The following FBXO11 variants were observed in gnomAD, a reference collection of about 807,000 sequenced individuals.
The protein encoded by FBXO11 is F-box only protein 11.
FBXO11 carries 13 observed loss-of-function variants against 117.0 expected under a neutral mutation model. The ratio of observed to expected loss-of-function variants is 0.11; its 90% CI spans 0.07 to 0.18. The LOEUF (loss-of-function observed/expected upper bound fraction) is 0.18. FBXO11 is among the 10% of genes least tolerant of loss of function. The probability of loss-of-function intolerance (pLI) is 1.00; values close to 1 mark genes in which losing one functional copy is unlikely to be tolerated. For synonymous variants in FBXO11, 490 were observed against 380.5 expected (o/e 1.29, Z -3.35); for missense variants, 767 against 1,164.4 (o/e 0.66, Z 4.97).
intron 1 of FBXO11, among the ~76,000 whole-genome samples, chr2:47,900,548 GTATATACACGTA>G (rs1404994900): frequency 1.4e-4 from 17 of 122,770 alleles, no homozygotes; most frequent in East Asian, 5.9e-4. Context: ...CGAGAAAAAA[GTATATACACGTA>G]TATATACACA....
In FBXO11 at chr2:47,893,946, T is replaced by C. The variant is rs552567097; in HGVS notation, c.232+11543A>G. On this transcript the variant is annotated intron_variant, in intron 1 of 22. Coordinates refer to ENST00000403359, the MANE Select transcript of FBXO11 (RefSeq NM_001190274.2). ...TCTCCTCCACACTGCTTTTTGCGGA[T>C]AAGAAAGATCAACTGGTAGCATTAA... 1.1e-4 allele frequency among the ~76,000 whole-genome samples: 16 copies of C among 152,314 alleles called. No homozygotes were observed. The East Asian group carries it at 2.9e-3, about 28-fold the overall frequency.
At chr2:47,836,024 AT>A (rs769603586) in intron 4 of FBXO11, 23 bp from the exon 5 acceptor site, 4 of 1,533,298 alleles carry the variant, frequency 2.6e-6, no homozygotes, top group Middle Eastern at 1.9e-4. Context: ...AGGAATTAAA[AT>A]TTTCTTGATA....
intron 14 of FBXO11, among the ~76,000 whole-genome samples, chr2:47,820,057 T>C (rs1013395228): frequency 6.6e-6 from 1 of 152,158 alleles, no homozygotes; most frequent in Non-Finnish European, 1.5e-5. Flanking sequence ...AGACTGCAAA[T>C]GAACTGCTGC....
rs1021071953 is a variant in FBXO11, at chr2:47,839,891, C to A, written c.233-122G>T. ...GCAGATGTAAGTTTTATATGAAATT[C>A]CAACCAACTGGATAGCTATATGAAA... On this transcript the variant is annotated intron_variant, in intron 1 of 22. Transcript: ENST00000403359. The A allele has an allele frequency of 1.6e-5, 12 of 757,936 alleles. No individual in the cohort carries two copies. The African/African-American group carries it at 1.6e-4, about 10-fold the overall frequency. 47.0% of individuals were successfully genotyped at this position (757,936 alleles called of 1,614,324 possible).
chr2:47,814,742 G>T (rs1189926104), intron 16 of FBXO11, among the ~76,000 whole-genome samples: 2 of 152,138 alleles, frequency 1.3e-5, no homozygotes, highest in African/African-American at 4.8e-5. Context: ...TCCTTTCACG[G>T]AAGATTTCTC....
intron 1 of FBXO11, among the ~76,000 whole-genome samples, chr2:47,899,205 C>T (rs941328855): frequency 2.8e-5 from 4 of 142,732 alleles, no homozygotes; most frequent in East Asian, 4.2e-4. Flanking sequence ...ACCCGGGAGG[C>T]GGAGCTTGCG....
At chr2:47,877,036 T>C (rs1676055513) in intron 1 of FBXO11, among the ~76,000 whole-genome samples, 2 of 151,026 alleles carry the variant, frequency 1.3e-5, no homozygotes, top group South Asian at 4.1e-4. Flanking sequence ...TCTTACTTAA[T>C]ACAGGGTTTT....
At chr2:47,828,513 C>T (rs774585006) in intron 11 of FBXO11, among the ~76,000 whole-genome samples, 1 of 151,244 alleles carries the variant, frequency 6.6e-6, no homozygotes, top group Non-Finnish European at 1.5e-5. Flanking sequence ...GAGACTGAGA[C>T]ACAAGAATTG....
At chr2:47,843,244 G>C (rs940920591) in intron 1 of FBXO11, among the ~76,000 whole-genome samples, 1 of 152,184 alleles carries the variant, frequency 6.6e-6, no homozygotes, top group Admixed American at 6.5e-5. Flanking sequence ...ATGTGTGCTT[G>C]AAAGGAACAT....
intron 1 of FBXO11, chr2:47,884,034 A>G (rs1216942693): frequency 6.6e-6 from 1 of 152,424 alleles, no homozygotes; most frequent in Non-Finnish European, 1.5e-5. Context: ...AGCCTGGCCA[A>G]CGTGGTGAAA....
At chr2:47,827,583 A>G (rs1048653661) in intron 11 of FBXO11, among the ~76,000 whole-genome samples, 10 of 152,372 alleles carry the variant, frequency 6.6e-5, no homozygotes, top group African/African-American at 2.2e-4. Flanking sequence ...CTGGGATTAT[A>G]GGCATGAGCC....
In FBXO11 at chr2:47,807,428, AAATAAT is replaced by A. The variant is rs1284895216; in HGVS notation, c.*684_*689del. On this transcript the variant is annotated 3_prime_UTR_variant, in exon 23 of 23. Coordinates refer to ENST00000403359, the MANE Select transcript of FBXO11 (RefSeq NM_001190274.2). ...TGAATGCTGCACAGGGAAGGGAAGG[AAATAAT>A]AGTCTTAACTTTTCTTAAAGGATAC... 4.9e-6 allele frequency: 1 copy of A among 205,816 alleles called. No homozygotes were observed. Among genetic ancestry groups the A allele is most frequent in the Non-Finnish European group, 1.0e-5 (1 of 100,498 alleles). 12.7% of individuals were successfully genotyped at this position (205,816 alleles called of 1,614,324 possible).
chr2:47,842,021 ATTTTTT>A (rs751568731), intron 1 of FBXO11, among the ~76,000 whole-genome samples: 1 of 140,932 alleles, frequency 7.1e-6, no homozygotes, highest in African/African-American at 2.6e-5. Context: ...TTTTATTTTT[ATTTTTT>A]TTTTTTGAGA....
At chr2:47,838,341 T>A (rs1011880827) in intron 4 of FBXO11, among the ~76,000 whole-genome samples, 5 of 152,264 alleles carry the variant, frequency 3.3e-5, no homozygotes, top group South Asian at 2.1e-4. Flanking sequence ...TAATTCTGGA[T>A]ATTTAGATTA....
intron 11 of FBXO11, 59 bp from the exon 12 acceptor site, chr2:47,823,419 C>A: frequency 7.8e-7 from 1 of 1,287,830 alleles, no homozygotes; most frequent in South Asian, 1.4e-5. Flanking sequence ...AAAGAAATGC[C>A]ATTTAAAAAA....
chr2:47,829,557 C>T (rs904508147), intron 11 of FBXO11, among the ~76,000 whole-genome samples: 1 of 152,044 alleles, frequency 6.6e-6, no homozygotes, highest in Non-Finnish European at 1.5e-5. Flanking sequence ...ACATTTTAAT[C>T]TTATTTTACA....
intron 1 of FBXO11, among the ~76,000 whole-genome samples, chr2:47,886,843 G>A (rs1676889306): frequency 6.6e-6 from 1 of 152,050 alleles, no homozygotes; most frequent in South Asian, 2.1e-4. Context: ...GAAAAAGCCT[G>A]TGCAACACAA....
intron 11 of FBXO11, among the ~76,000 whole-genome samples, chr2:47,831,415 C>T (rs1241806139): frequency 8.3e-6 from 1 of 120,430 alleles, no homozygotes; most frequent in Non-Finnish European, 1.7e-5. Flanking sequence ...GGGTGAAACT[C>T]GGTCTCAAAA....
chr2:47,847,479 C>A (rs973197536), intron 1 of FBXO11, among the ~76,000 whole-genome samples: 1 of 151,906 alleles, frequency 6.6e-6, no homozygotes, highest in African/African-American at 2.4e-5. Flanking sequence ...GAGGCCAAGA[C>A]GGGAGGATCA....
Sources: allele counts gnomAD v4.1 joint callset (sites outside exome capture counted in the v4.1 genomes callset), GRCh38; gene constraint gnomAD v4.1.1; transcripts MANE v1.5; gene names NCBI Gene and HGNC (gene_info 2026-07-23, HGNC 2026-07-21).